Variants in TMEM17 observed in about 807,000 individuals in gnomAD.
TMEM17 encodes the protein transmembrane protein 17.
In TMEM17, 15 loss-of-function variants were observed where a neutral mutation model predicts 19.1. The observed-to-expected ratio is 0.78, with a 90% CI of 0.52 to 1.21. The LOEUF (loss-of-function observed/expected upper bound fraction) is 1.21. Ranked by LOEUF, TMEM17 falls within the 50% of genes most tolerant of loss-of-function variation. The pLI is 0.00. For missense variants in TMEM17, 245 were observed against 242.3 expected, an observed-to-expected ratio of 1.01 and a Z score of -0.07; for synonymous variants, 103 against 86.9, an observed-to-expected ratio of 1.19 and a Z score of -1.03.
chr2:62,453,642 CA>C, the TMEM17 span, among the ~76,000 whole-genome samples: 1 of 152,140 alleles, frequency 6.6e-6, no homozygotes, highest in African/African-American at 2.4e-5. Flanking sequence ...AAAAAATAAA[CA>C]AAAACCTCTG....
In TMEM17 at chr2:62,506,041, T is replaced by A. The variant is rs201641861; in HGVS notation, c.89A>T (p.Asn30Ile). The A allele has an allele frequency of 5.8e-5, 94 of 1,610,662 alleles. No homozygotes were observed. In the East Asian group the frequency reaches 1.6e-3, roughly 28 times the overall value. Residue 30 changes from asparagine to isoleucine, a missense_variant, in exon 1 of 4, where the codon AAT becomes ATT. Transcript: ENST00000335390. ...CCTCGGTCACTCACCCGGACCCTCA[T>A]TGGACTCTGGACCGGTCCGATTGGA... ...SDSNRTGPES[N>I]EGPENEMVSS...
the TMEM17 span, among the ~76,000 whole-genome samples, chr2:62,455,979 G>A: frequency 0.14 from 20,662 of 152,074 alleles, 1,502 homozygotes; most frequent in Middle Eastern, 0.23. Context: ...TTCTTTTCAT[G>A]TGTTTATTGA....
At chr2:62,466,926 C>G in the TMEM17 span, among the ~76,000 whole-genome samples, 3 of 152,266 alleles carry the variant, frequency 2.0e-5, no homozygotes, top group Admixed American at 6.5e-5. Context: ...CCTGGGGACT[C>G]CTTTTTCGAA....
the TMEM17 span, among the ~76,000 whole-genome samples, chr2:62,473,824 G>C: frequency 1.2e-4 from 18 of 152,348 alleles, 1 homozygote; most frequent in South Asian, 3.5e-3. Flanking sequence ...TGGACAATGT[G>C]GCAGAGACTC....
the TMEM17 span, among the ~76,000 whole-genome samples, chr2:62,489,830 T>C: frequency 6.6e-6 from 1 of 152,220 alleles, no homozygotes; most frequent in Admixed American, 6.5e-5. Context: ...ATCAAAGTGT[T>C]AATATGTAAG....
intron 3 of TMEM17, 25 bp downstream of exon 3, chr2:62,502,412 T>C: frequency 2.7e-6 from 4 of 1,474,596 alleles, no homozygotes; most frequent in Non-Finnish European, 2.8e-6. Flanking sequence ...TATCTATCAC[T>C]GAGAGAAAGG....
chr2:62,505,830 G>T (rs981234390), intron 1 of TMEM17, among the ~76,000 whole-genome samples, 200 bp downstream of exon 1: 1 of 152,192 alleles, frequency 6.6e-6, no homozygotes, highest in Non-Finnish European at 1.5e-5. Flanking sequence ...GCGGAGACCA[G>T]GCCCGGCCGG....
chr2:62,501,182 G>A lies in TMEM17; in HGVS notation c.*27C>T. The stretch of plus-strand genomic sequence containing the variant: ...ACTCTTACAGTCTCTAGAATGATCT[G>A]TCAGATTTTCACTCAACAACACTGG... On this transcript the variant is annotated 3_prime_UTR_variant, in exon 4 of 4. Transcript: ENST00000335390. The A allele has an allele frequency of 6.2e-7, 1 of 1,602,626 alleles. No homozygotes were observed. The highest frequency in any genetic ancestry group is 1.3e-5 in the African/African-American group (1 of 74,634).
the TMEM17 span, among the ~76,000 whole-genome samples, chr2:62,484,485 A>T: frequency 8.5e-4 from 130 of 152,326 alleles, no homozygotes; most frequent in African/African-American, 3.0e-3. Context: ...GGTGTGTGTG[A>T]CCAAGGAACT....
At chr2:62,499,845 T>C (rs1387083958), downstream of TMEM17, among the ~76,000 whole-genome samples, 1 of 152,218 alleles carries the variant, frequency 6.6e-6, no homozygotes, top group Non-Finnish European at 1.5e-5. Context: ...CAACAGTCAC[T>C]TAAATATAAT....
At chr2:62,498,716 AAAAATAAAATAAAAT>A (rs202244559), downstream of TMEM17, among the ~76,000 whole-genome samples, 1 of 120,162 alleles carries the variant, frequency 8.3e-6, no homozygotes, top group Non-Finnish European at 1.7e-5. Flanking sequence ...ACTCCGTCTC[AAAAATAAAATAAAAT>A]AAAATAAAAT....
the TMEM17 span, among the ~76,000 whole-genome samples, chr2:62,459,204 G>C: frequency 6.6e-6 from 1 of 152,226 alleles, no homozygotes; most frequent in Non-Finnish European, 1.5e-5. Context: ...ATGAATATCA[G>C]GCAGCATTTC....
downstream of TMEM17, among the ~76,000 whole-genome samples, chr2:62,496,587 A>G (rs78302551): frequency 0.013 from 1,924 of 152,338 alleles, 18 homozygotes; most frequent in Non-Finnish European, 0.021. Context: ...TGTTTTTAAA[A>G]AACTATTTGC....
the TMEM17 span, among the ~76,000 whole-genome samples, chr2:62,472,153 G>T: frequency 6.6e-6 from 1 of 152,208 alleles, no homozygotes; most frequent in Admixed American, 6.5e-5. Context: ...AATAGGATAG[G>T]TTAGCTCATT....
the TMEM17 span, among the ~76,000 whole-genome samples, chr2:62,454,895 A>G: frequency 1.6e-4 from 24 of 152,174 alleles, no homozygotes; most frequent in Non-Finnish European, 2.2e-4. Context: ...TAATGGAGAC[A>G]GGGTTTCACT....
chr2:62,498,305 T>G (rs1679822579), downstream of TMEM17, among the ~76,000 whole-genome samples: 1 of 151,654 alleles, frequency 6.6e-6, no homozygotes, highest in Non-Finnish European at 1.5e-5. Context: ...GAGGATCACT[T>G]GAACCCAGGA....
chr2:62,497,404 C>A (rs917969639), downstream of TMEM17, among the ~76,000 whole-genome samples: 1 of 152,220 alleles, frequency 6.6e-6, no homozygotes, highest in African/African-American at 2.4e-5. Flanking sequence ...TTCCAAGTTT[C>A]TCTGCCTTAT....
the TMEM17 span, among the ~76,000 whole-genome samples, chr2:62,477,378 CA>C: frequency 1.4e-5 from 2 of 142,672 alleles, no homozygotes; most frequent in Non-Finnish European, 3.0e-5. Flanking sequence ...GCCTGGGCGA[CA>C]GAGCGAGACT....
intron 1 of TMEM17, 124 bp from the exon 2 acceptor site, chr2:62,502,918 A>G (rs1240459980): frequency 4.5e-6 from 2 of 442,580 alleles, no homozygotes; most frequent in Non-Finnish European, 8.0e-6. Flanking sequence ...TTTTATGCCT[A>G]TTTATAATCA....
Sources: allele counts gnomAD v4.1 joint callset (sites outside exome capture counted in the v4.1 genomes callset), GRCh38; gene constraint gnomAD v4.1.1; transcripts MANE v1.5; gene names NCBI Gene and HGNC (gene_info 2026-07-23, HGNC 2026-07-21).